The following ATP2B2 variants were observed in gnomAD, a reference collection of about 807,000 sequenced individuals.
The protein encoded by ATP2B2 is ATPase plasma membrane Ca2+ transporting 2, also known as plasma membrane calcium-transporting ATPase 2.
In ATP2B2, 15 loss-of-function variants were observed where a neutral mutation model predicts 120.0. That is an observed-to-expected ratio of 0.12 (90% CI 0.08 to 0.19). ATP2B2 has a LOEUF of 0.19. ATP2B2 is among the 10% of genes least tolerant of loss of function. The pLI is 1.00. For synonymous variants in ATP2B2, 694 were observed against 700.3 expected (o/e 0.99, Z 0.14); for missense variants, 1,045 against 1,719.8 (o/e 0.61, Z 6.94).
At chr3:10,454,618 G>A (rs1292310959) in intron 1 of ATP2B2, among the ~76,000 whole-genome samples, 1 of 152,142 alleles carries the variant, frequency 6.6e-6, no homozygotes, top group East Asian at 1.9e-4. Flanking sequence ...AAGCTGTAGA[G>A]CCCACTTTGG....
intron 2 of ATP2B2, among the ~76,000 whole-genome samples, chr3:10,534,967 G>T (rs1398967550): frequency 1.6e-5 from 2 of 124,082 alleles, no homozygotes; most frequent in Non-Finnish European, 3.2e-5. Flanking sequence ...GCAATGGCAT[G>T]ATCTCAGCTC....
intron 2 of ATP2B2, among the ~76,000 whole-genome samples, chr3:10,555,279 G>A (rs2067754705): frequency 6.6e-6 from 1 of 152,236 alleles, no homozygotes. Context: ...GCCTTCTTTG[G>A]AATCTGAGGG....
intron 3 of ATP2B2, among the ~76,000 whole-genome samples, chr3:10,524,893 ATCCT>A (rs2067059431): frequency 6.6e-6 from 1 of 151,772 alleles, no homozygotes. Flanking sequence ...CATTTCTTCC[ATCCT>A]TCATTTTTTC....
intron 1 of ATP2B2, among the ~76,000 whole-genome samples, chr3:10,485,411 G>A (rs1209939320): frequency 6.6e-6 from 1 of 152,212 alleles, no homozygotes; most frequent in Non-Finnish European, 1.5e-5. Context: ...GGTGAGCAGA[G>A]GGATTGGAAA....
chr3:10,447,230 G>A (rs937629447), intron 2 of ATP2B2, among the ~76,000 whole-genome samples: 4 of 152,254 alleles, frequency 2.6e-5, no homozygotes, highest in Admixed American at 6.5e-5. Context: ...CCAGGCATGA[G>A]GTTGGGCATG....
intron 1 of ATP2B2, among the ~76,000 whole-genome samples, chr3:10,664,121 T>C (rs2070862555): frequency 6.6e-6 from 1 of 151,714 alleles, no homozygotes; most frequent in African/African-American, 2.4e-5. Context: ...CTGAGCAGAG[T>C]CTAAGAGCCA....
chr3:10,624,639 A>G (rs2069643972), intron 1 of ATP2B2, among the ~76,000 whole-genome samples: 3 of 152,238 alleles, frequency 2.0e-5, no homozygotes, highest in Admixed American at 2.0e-4. Flanking sequence ...TAAATAACCA[A>G]CAGGGCTTTC....
intron 2 of ATP2B2, among the ~76,000 whole-genome samples, chr3:10,444,550 G>T (rs1168840195): frequency 6.6e-6 from 1 of 152,158 alleles, no homozygotes; most frequent in African/African-American, 2.4e-5. Flanking sequence ...CGGAGGTTCC[G>T]TTTCACAGCA....
intron 5 of ATP2B2, 68 bp downstream of exon 5, chr3:10,400,885 G>T: frequency 6.2e-7 from 1 of 1,607,144 alleles, no homozygotes; most frequent in Non-Finnish European, 8.5e-7. Context: ...TCAGCCTCAT[G>T]AAGGGGACAC....
intron 1 of ATP2B2, among the ~76,000 whole-genome samples, chr3:10,650,363 C>T (rs28808299): frequency 0.31 from 46,642 of 151,932 alleles, 10,690 homozygotes; most frequent in African/African-American, 0.64. Context: ...TTGAGAGAGA[C>T]GATTTAAGGT....
intron 1 of ATP2B2, among the ~76,000 whole-genome samples, chr3:10,700,975 C>T (rs142381544): frequency 3.7e-4 from 56 of 152,314 alleles, no homozygotes; most frequent in Non-Finnish European, 8.8e-5. Context: ...CAAAGTAAGG[C>T]ATGTGGCTAT....
At chr3:10,506,740 G>A (rs1171490741), upstream of ATP2B2, among the ~76,000 whole-genome samples, 2 of 152,162 alleles carry the variant, frequency 1.3e-5, no homozygotes, top group Non-Finnish European at 2.9e-5. Flanking sequence ...GGGGTGCATG[G>A]GGGACAGGGG....
At chr3:10,378,438 TACACACAG>T in intron 9 of ATP2B2, 28 bp from the exon 10 acceptor site, 1 of 1,599,320 alleles carries the variant, frequency 6.3e-7, no homozygotes, top group Non-Finnish European at 8.5e-7. Flanking sequence ...CGCACGTGCA[TACACACAG>T]ACACATAGAC....
chr3:10,552,103 G>A (rs1425419602), intron 2 of ATP2B2, among the ~76,000 whole-genome samples: 1 of 152,216 alleles, frequency 6.6e-6, no homozygotes, highest in East Asian at 1.9e-4. Flanking sequence ...TCTAGAGCTC[G>A]CCTGTGGCAG....
At chr3:10,643,329 G>T (rs929979497) in intron 1 of ATP2B2, among the ~76,000 whole-genome samples, 1 of 152,204 alleles carries the variant, frequency 6.6e-6, no homozygotes, top group Non-Finnish European at 1.5e-5. Flanking sequence ...TTTGATAAAC[G>T]TGGAATGCTG....
intron 14 of ATP2B2, among the ~76,000 whole-genome samples, chr3:10,351,813 T>C (rs1408094964): frequency 6.6e-6 from 1 of 152,174 alleles, no homozygotes; most frequent in Non-Finnish European, 1.5e-5. Context: ...GGGTGCTGCT[T>C]CTACACTCCA....
At chr3:10,336,175 GGACAAC>G in intron 22 of ATP2B2, 1 of 1,550,680 alleles carries the variant, frequency 6.4e-7, no homozygotes, top group Non-Finnish European at 8.7e-7. Flanking sequence ...AAAGAGCATT[GGACAAC>G]GACACGCGAC....
At chr3:10,406,075 A>G (rs559124253) in intron 3 of ATP2B2, among the ~76,000 whole-genome samples, 34 of 152,306 alleles carry the variant, frequency 2.2e-4, no homozygotes, top group African/African-American at 5.8e-4. Flanking sequence ...CCCTGCCCCA[A>G]CTGCTTTCTC....
intron 2 of ATP2B2, among the ~76,000 whole-genome samples, chr3:10,601,320 AG>A (rs1201554978): frequency 6.6e-6 from 1 of 152,062 alleles, no homozygotes; most frequent in East Asian, 1.9e-4. Flanking sequence ...GCCCATAATA[AG>A]GGGGGCAGCC....
Sources: allele counts gnomAD v4.1 joint callset (sites outside exome capture counted in the v4.1 genomes callset), GRCh38; gene constraint gnomAD v4.1.1; transcripts MANE v1.5; gene names NCBI Gene and HGNC (gene_info 2026-07-23, HGNC 2026-07-21).